Variants in LHFPL3 observed in about 807,000 individuals in gnomAD.
LHFPL3 encodes the protein LHFPL tetraspan subfamily member 3 protein.
A neutral mutation model predicts 19.3 loss-of-function variants in LHFPL3; 5 were observed. That is an observed-to-expected ratio of 0.26 (90% CI 0.14 to 0.54). The LOEUF (loss-of-function observed/expected upper bound fraction) is 0.54. LHFPL3 is among the 20% of genes least tolerant of loss of function. LHFPL3 has a pLI of 0.94. For synonymous variants in LHFPL3, 133 were observed against 126.2 expected (o/e 1.05, Z -0.36); for missense variants, 249 against 307.4 (o/e 0.81, Z 1.42).
chr7:104,541,268 C>G (rs1794482218), intron 1 of LHFPL3, among the ~76,000 whole-genome samples: 1 of 152,108 alleles, frequency 6.6e-6, no homozygotes, highest in African/African-American at 2.4e-5. Context: ...GCTTTTACCA[C>G]CCATTGCATT....
chr7:104,626,151 G>T (rs563101770), intron 1 of LHFPL3, among the ~76,000 whole-genome samples: 8 of 152,202 alleles, frequency 5.3e-5, no homozygotes, highest in African/African-American at 1.9e-4. Context: ...AGTATGTACT[G>T]GCTCCAGGGC....
chr7:104,505,850 A>G (rs543769180), intron 1 of LHFPL3, among the ~76,000 whole-genome samples: 16 of 152,280 alleles, frequency 1.1e-4, no homozygotes, highest in South Asian at 2.1e-4. Flanking sequence ...ACTCTTCTCC[A>G]TTTTCCAAGG....
chr7:104,382,965 T>G (rs1188582804), intron 1 of LHFPL3, among the ~76,000 whole-genome samples: 1 of 152,272 alleles, frequency 6.6e-6, no homozygotes, highest in Non-Finnish European at 1.5e-5. Flanking sequence ...TCCTGAGAGA[T>G]AAGTACATTA....
At chr7:104,472,044 G>C (rs929903366) in intron 1 of LHFPL3, among the ~76,000 whole-genome samples, 1 of 152,026 alleles carries the variant, frequency 6.6e-6, no homozygotes, top group Non-Finnish European at 1.5e-5. Flanking sequence ...CGAGGGTGGG[G>C]CGTGTACCTG....
At position 104,603,125 on chromosome 7, in the gene LHFPL3, TC is replaced by T. The variant is rs1562947512; in HGVS notation, c.446-133549del. ...TTCTTTCTTTCTTTCTTTCTTTCTT[TC>T]TTTCTTTTTTCCCTTCCTTCCTTCC... On this transcript the variant is annotated intron_variant, in intron 1 of 2. Coordinates refer to ENST00000424859, the MANE Select transcript of LHFPL3 (RefSeq NM_199000.3). Among the ~76,000 whole-genome samples the T allele has an allele frequency of 2.5e-3, 334 of 131,756 alleles. 1 individual carries two copies. The highest frequency in any genetic ancestry group is 9.1e-3 in the African/African-American group (302 of 33,160). 86.4% of individuals were successfully genotyped at this position (131,756 alleles called of 152,430 possible). A position where few individuals can be genotyped will look rare whatever the true frequency, so the allele number is the denominator to read the frequency against.
At chr7:104,710,347 C>G (rs1433186744) in intron 1 of LHFPL3, among the ~76,000 whole-genome samples, 1 of 152,132 alleles carries the variant, frequency 6.6e-6, no homozygotes, top group Non-Finnish European at 1.5e-5. Context: ...TTTTTTCTGA[C>G]CTGCTTTGAC....
At chr7:104,877,983 G>A (rs1054234939) in intron 2 of LHFPL3, among the ~76,000 whole-genome samples, 1 of 152,002 alleles carries the variant, frequency 6.6e-6, no homozygotes, top group Non-Finnish European at 1.5e-5. Context: ...ACAGGCGCAC[G>A]CCACCACACC....
chr7:104,526,667 A>T lies in LHFPL3; in HGVS notation c.445+197443A>T, dbSNP rs569603968. On this transcript the variant is annotated intron_variant, in intron 1 of 2. Coordinates refer to ENST00000424859, the MANE Select transcript of LHFPL3 (RefSeq NM_199000.3). ...AGAAATGTTACCCAGACTTTTGTTG[A>T]TGTTGCAATTCAGACTTTTTGGTGC... Among the ~76,000 whole-genome samples, 14 of 152,332 alleles carry T rather than the reference A, an allele frequency of 9.2e-5. No individual in the cohort carries two copies. The South Asian group carries it at 2.5e-3, about 27-fold the overall frequency.
At chr7:104,549,858 A>G (rs1245053507) in intron 1 of LHFPL3, among the ~76,000 whole-genome samples, 1 of 152,110 alleles carries the variant, frequency 6.6e-6, no homozygotes, top group Non-Finnish European at 1.5e-5. Flanking sequence ...AATAAATATG[A>G]TATGCTAGCT....
At chr7:104,434,385 A>T (rs1792060875) in intron 1 of LHFPL3, among the ~76,000 whole-genome samples, 2 of 152,378 alleles carry the variant, frequency 1.3e-5, no homozygotes, top group East Asian at 1.9e-4. Context: ...TGGAAATTGT[A>T]TGCAAAAGTT....
At chr7:104,477,728 A>G (rs1793050848) in intron 1 of LHFPL3, among the ~76,000 whole-genome samples, 1 of 143,916 alleles carries the variant, frequency 6.9e-6, no homozygotes, top group African/African-American at 2.6e-5. Context: ...ATGAACCTGC[A>G]TTTGTACTCT....
intron 1 of LHFPL3, among the ~76,000 whole-genome samples, chr7:104,477,696 A>G (rs919472264): frequency 6.6e-6 from 1 of 152,134 alleles, no homozygotes; most frequent in Non-Finnish European, 1.5e-5. Flanking sequence ...ACAAACCCCC[A>G]TGACACAAGT....
intron 1 of LHFPL3, among the ~76,000 whole-genome samples, chr7:104,602,747 C>T (rs1403574440): frequency 6.6e-6 from 1 of 152,100 alleles, no homozygotes; most frequent in Non-Finnish European, 1.5e-5. Context: ...GTATCTTAAA[C>T]AGAAATGTAT....
chr7:104,385,551 G>T (rs1274987694), intron 1 of LHFPL3, among the ~76,000 whole-genome samples: 2 of 152,104 alleles, frequency 1.3e-5, no homozygotes, highest in Admixed American at 6.5e-5. Flanking sequence ...AAGGCATCTT[G>T]GTATGCAGCC....
intron 1 of LHFPL3, among the ~76,000 whole-genome samples, chr7:104,577,729 T>G (rs1294682008): frequency 2.6e-5 from 4 of 152,214 alleles, no homozygotes; most frequent in Non-Finnish European, 5.9e-5. Context: ...GAGATGGATT[T>G]TATTCTCCAT....
intron 2 of LHFPL3, among the ~76,000 whole-genome samples, chr7:104,889,635 G>A (rs1203275409): frequency 6.6e-6 from 1 of 152,116 alleles, no homozygotes; most frequent in Non-Finnish European, 1.5e-5. Context: ...GCAAGACTCT[G>A]TCTCAGAAAC....
intron 1 of LHFPL3, among the ~76,000 whole-genome samples, chr7:104,346,040 CTTT>C (rs35726797): frequency 7.1e-6 from 1 of 140,396 alleles, no homozygotes. Context: ...TTTATTCCTT[CTTT>C]TTTTTTTTTT....
intron 2 of LHFPL3, among the ~76,000 whole-genome samples, chr7:104,900,918 T>A (rs1227650358): frequency 6.6e-6 from 1 of 152,260 alleles, no homozygotes; most frequent in Non-Finnish European, 1.5e-5. Context: ...TATTCATTCC[T>A]GCTCTGTACA....
At chr7:104,339,853 A>G (rs554304256) in intron 1 of LHFPL3, among the ~76,000 whole-genome samples, 1 of 152,288 alleles carries the variant, frequency 6.6e-6, no homozygotes, top group South Asian at 2.1e-4. Flanking sequence ...TAGACTGTGA[A>G]TTCCTACAGG....
Sources: allele counts gnomAD v4.1 joint callset (sites outside exome capture counted in the v4.1 genomes callset), GRCh38; gene constraint gnomAD v4.1.1; transcripts MANE v1.5; gene names NCBI Gene and HGNC (gene_info 2026-07-23, HGNC 2026-07-21).